Variants in PEPD observed in about 807,000 individuals in gnomAD.
PEPD encodes peptidase D, also known as xaa-Pro dipeptidase.
Under a neutral mutation model 60.7 loss-of-function variants are expected in PEPD, and 53 were observed. That is an observed-to-expected ratio of 0.87 (90% confidence interval 0.70 to 1.10). The LOEUF (loss-of-function observed/expected upper bound fraction) is 1.10. PEPD is among the 50% of genes least tolerant of loss of function. PEPD has a pLI of 0.00. For missense variants in PEPD, 711 were observed against 711.9 expected (o/e 1.00, Z 0.01); for synonymous variants, 267 against 284.1 (o/e 0.94, Z 0.60).
At chr19:33,400,282 T>C (rs1968458914) in intron 12 of PEPD, among the ~76,000 whole-genome samples, 2 of 152,084 alleles carry the variant, frequency 1.3e-5, no homozygotes, top group South Asian at 4.1e-4. Flanking sequence ...CTGCAGAAGG[T>C]GGCTGGGGCC....
At chr19:33,509,047 C>T (rs1487787528) in intron 3 of PEPD, among the ~76,000 whole-genome samples, 1 of 152,260 alleles carries the variant, frequency 6.6e-6, no homozygotes, top group East Asian at 1.9e-4. Flanking sequence ...GCAAGCTCAG[C>T]CTCCAATTGC....
intron 9 of PEPD, among the ~76,000 whole-genome samples, chr19:33,452,939 T>C (rs1283933376): frequency 1.3e-5 from 2 of 152,196 alleles, no homozygotes; most frequent in East Asian, 1.9e-4. Context: ...CTCAAAAACC[T>C]TGGTCTCAAA....
rs1390433670 is a variant in PEPD at position 33,459,183 on chromosome 19, C to A, written c.671+3812G>T. The stretch of plus-strand genomic sequence containing the variant: ...GGTCTTGGCCTGGAAGGGGACGCCA[C>A]CACACGGTACCCGTCACACTACACA... On this transcript the variant is annotated intron_variant, in intron 9 of 14. Coordinates refer to ENST00000244137, the MANE Select transcript of PEPD (RefSeq NM_000285.4). Among the ~76,000 whole-genome samples the A allele has an allele frequency of 2.0e-5, 3 of 152,072 alleles. No homozygotes were observed. In the East Asian group the frequency reaches 5.8e-4, roughly 29 times the overall value.
At chr19:33,444,050 C>A (rs1002037382) in intron 9 of PEPD, among the ~76,000 whole-genome samples, 1 of 152,164 alleles carries the variant, frequency 6.6e-6, no homozygotes, top group African/African-American at 2.4e-5. Flanking sequence ...ATATATCACA[C>A]GCACTTACGT....
At chr19:33,509,105 C>T (rs1399615677) in intron 3 of PEPD, among the ~76,000 whole-genome samples, 1 of 152,244 alleles carries the variant, frequency 6.6e-6, no homozygotes, top group Non-Finnish European at 1.5e-5. Flanking sequence ...CACACCAGCA[C>T]GCTGAGCCAT....
chr19:33,445,963 A>G (rs1458348207), intron 9 of PEPD, among the ~76,000 whole-genome samples: 3 of 152,178 alleles, frequency 2.0e-5, no homozygotes, highest in African/African-American at 7.2e-5. Context: ...CACGACCTCT[A>G]GCCTGCCTGC....
At chr19:33,446,024 C>T (rs78256840) in intron 9 of PEPD, among the ~76,000 whole-genome samples, 14,010 of 152,214 alleles carry the variant, frequency 0.092, 672 homozygotes, top group East Asian at 0.13. Flanking sequence ...ACCTGGACCC[C>T]GCAGCCTGTT....
intron 11 of PEPD, among the ~76,000 whole-genome samples, chr19:33,405,687 G>A (rs1968604392): frequency 6.6e-6 from 1 of 152,258 alleles, no homozygotes; most frequent in Non-Finnish European, 1.5e-5. Flanking sequence ...GGAGTGCCAA[G>A]CTCCAAGCGT....
chr19:33,469,171 C>T (rs1338937715), intron 7 of PEPD, among the ~76,000 whole-genome samples: 1 of 152,200 alleles, frequency 6.6e-6, no homozygotes, highest in Admixed American at 6.5e-5. Context: ...CCTCTGCCTT[C>T]ATTCGGCTTA....
At chr19:33,402,119 G>A (rs1422104236) in intron 11 of PEPD, among the ~76,000 whole-genome samples, 1 of 152,234 alleles carries the variant, frequency 6.6e-6, no homozygotes, top group Non-Finnish European at 1.5e-5. Context: ...GCTCAGCCCA[G>A]GCAGGGAAGG....
intron 3 of PEPD, among the ~76,000 whole-genome samples, chr19:33,503,642 T>C (rs1184075072): frequency 6.6e-6 from 1 of 152,098 alleles, no homozygotes; most frequent in Non-Finnish European, 1.5e-5. Context: ...GTGTCAGAAA[T>C]ACAAAAGGCA....
chr19:33,441,491 C>A (rs73588275), intron 9 of PEPD, among the ~76,000 whole-genome samples: 1 of 152,220 alleles, frequency 6.6e-6, no homozygotes, highest in East Asian at 1.9e-4. Context: ...CAGACCTGCA[C>A]GTCTTTGCGC....
chr19:33,494,450 C>T (rs924722664), intron 4 of PEPD, among the ~76,000 whole-genome samples: 1 of 152,142 alleles, frequency 6.6e-6, no homozygotes, highest in Non-Finnish European at 1.5e-5. Context: ...AAACCTGGAA[C>T]GTATTGAAAA....
intron 9 of PEPD, among the ~76,000 whole-genome samples, chr19:33,440,372 C>G (rs926150030): frequency 6.6e-6 from 1 of 152,280 alleles, no homozygotes; most frequent in South Asian, 2.1e-4. Flanking sequence ...CCTGCTCCTT[C>G]CCCATCCACT....
chr19:33,449,808 T>C (rs979674146), intron 9 of PEPD, among the ~76,000 whole-genome samples: 8 of 152,190 alleles, frequency 5.3e-5, no homozygotes, highest in Non-Finnish European at 8.8e-5. Flanking sequence ...CGTTACCTTC[T>C]GAAACTGATA....
intron 2 of PEPD, among the ~76,000 whole-genome samples, chr19:33,511,867 C>T (rs1188260005): frequency 1.3e-5 from 2 of 152,154 alleles, no homozygotes; most frequent in South Asian, 2.1e-4. Context: ...AGTGGAGAGA[C>T]GGGACCCTTC....
intron 12 of PEPD, among the ~76,000 whole-genome samples, chr19:33,396,759 C>T (rs1968375955): frequency 6.6e-6 from 1 of 152,062 alleles, no homozygotes; most frequent in Non-Finnish European, 1.5e-5. Context: ...GGCGAGGCTA[C>T]AGGAGGCTCT....
Position 33,387,271 on chromosome 19 carries a change from A to C in PEPD, c.*73T>G. 6.3e-7 allele frequency: 1 copy of C among 1,577,140 alleles called. No homozygotes were observed. Among genetic ancestry groups the C allele is most frequent in the Non-Finnish European group, 8.7e-7 (1 of 1,151,930 alleles). Reference sequence around the variant, plus strand: ...GCCGTCTCTCGCTACTGGAGTGCTGACCAGCAGGCTGCCCATCACGAAAAG... The same window carrying C: ...GCCGTCTCTCGCTACTGGAGTGCTGCCCAGCAGGCTGCCCATCACGAAAAG... On this transcript the variant is annotated 3_prime_UTR_variant, in exon 15 of 15. Coordinates refer to ENST00000244137, the MANE Select transcript of PEPD (RefSeq NM_000285.4).
At chr19:33,425,236 G>C (rs902062078) in intron 9 of PEPD, among the ~76,000 whole-genome samples, 1 of 152,124 alleles carries the variant, frequency 6.6e-6, no homozygotes, top group Non-Finnish European at 1.5e-5. Context: ...CAGTCGTGGT[G>C]GCACACATCT....
Sources: gnomAD v4.1 joint callset for allele counts (sites outside exome capture counted in the v4.1 genomes callset) on GRCh38, gnomAD v4.1.1 for gene constraint, MANE v1.5 for transcripts, NCBI Gene and HGNC (gene_info 2026-07-23, HGNC 2026-07-21) for gene names.